Variants in MCTP1 observed in about 807,000 individuals in gnomAD.
The protein encoded by MCTP1 is multiple C2 and transmembrane domain-containing protein 1.
MCTP1 carries 69 observed loss-of-function variants against 120.6 expected under a neutral mutation model. The ratio of observed to expected loss-of-function variants is 0.57; its 90% CI spans 0.47 to 0.70. MCTP1 has a LOEUF of 0.70. Ranked by LOEUF, MCTP1 falls within the 30% of genes least tolerant of loss-of-function variation. The pLI, the probability that MCTP1 is intolerant of heterozygous loss-of-function variation, is 0.00. For synonymous variants in MCTP1, 529 were observed against 493.1 expected (o/e 1.07, Z -0.96); for missense variants, 1,203 against 1,248.8 (o/e 0.96, Z 0.55).
At chr5:95,189,143 G>A (rs1184705022) in intron 1 of MCTP1, among the ~76,000 whole-genome samples, 1 of 152,046 alleles carries the variant, frequency 6.6e-6, no homozygotes, top group East Asian at 1.9e-4. Context: ...AAATAGAAAT[G>A]AACAAATTGT....
rs191435684 is a variant in MCTP1, at chr5:95,216,542, T to G, written c.720+67314A>C. On this transcript the variant is annotated intron_variant, in intron 1 of 22. Coordinates refer to ENST00000515393, the MANE Select transcript of MCTP1 (RefSeq NM_024717.7). ...CAAGCCTGAAAGGTACCTGCTGGGA[T>G]GGCTCTACACAAATTGTATGAGTTT... Among the ~76,000 whole-genome samples, 667 of 152,266 alleles carry G rather than the reference T, an allele frequency of 4.4e-3. 1 individual carries two copies. The highest frequency in any genetic ancestry group is 5.2e-3 in the Non-Finnish European group (356 of 68,014).
intron 18 of MCTP1, among the ~76,000 whole-genome samples, chr5:94,798,117 A>G (rs1780462330): frequency 6.7e-6 from 1 of 150,078 alleles, no homozygotes; most frequent in Non-Finnish European, 1.5e-5. Flanking sequence ...AAAAAAAAAC[A>G]TAGTAATCTG....
At chr5:94,894,276 C>T in intron 11 of MCTP1, among the ~76,000 whole-genome samples, 1 of 152,156 alleles carries the variant, frequency 6.6e-6, no homozygotes. Flanking sequence ...TTAACTCCAT[C>T]GCAAACTTGG....
intron 1 of MCTP1, among the ~76,000 whole-genome samples, chr5:95,212,409 T>C (rs1291326502): frequency 6.6e-6 from 1 of 151,910 alleles, no homozygotes; most frequent in African/African-American, 2.4e-5. Flanking sequence ...ACCAGATGGA[T>C]TCACAGCCGA....
chr5:94,759,689 CT>C (rs1770815549), intron 19 of MCTP1, among the ~76,000 whole-genome samples: 1 of 152,026 alleles, frequency 6.6e-6, no homozygotes, highest in Admixed American at 6.6e-5. Flanking sequence ...CAGATGAATG[CT>C]TTTTAGGCAG....
intron 1 of MCTP1, among the ~76,000 whole-genome samples, chr5:95,023,029 G>A (rs1046676332): frequency 1.3e-5 from 2 of 152,086 alleles, no homozygotes; most frequent in Non-Finnish European, 2.9e-5. Flanking sequence ...ACATGAGCCC[G>A]ATGGTAAGCA....
At chr5:95,009,062 G>A (rs1581815086) in intron 2 of MCTP1, among the ~76,000 whole-genome samples, 1 of 9,900 alleles carries the variant, frequency 1.0e-4, no homozygotes, top group East Asian at 5.7e-3. Context: ...GAGAAAGAGA[G>A]AGAGAGAGAG....
intron 1 of MCTP1, among the ~76,000 whole-genome samples, chr5:95,083,546 C>T (rs1755188405): frequency 6.6e-6 from 1 of 152,120 alleles, no homozygotes; most frequent in Admixed American, 6.5e-5. Flanking sequence ...TCCACTTTTG[C>T]TAACATTGAG....
chr5:95,039,978 A>C (rs1440975696), intron 1 of MCTP1, among the ~76,000 whole-genome samples: 1 of 152,134 alleles, frequency 6.6e-6, no homozygotes, highest in Non-Finnish European at 1.5e-5. Flanking sequence ...AATTTTTTAA[A>C]ACTTCCTCAT....
chr5:95,038,935 G>C (rs573991633), intron 1 of MCTP1, among the ~76,000 whole-genome samples: 1 of 152,026 alleles, frequency 6.6e-6, no homozygotes, highest in Non-Finnish European at 1.5e-5. Context: ...CTGTAGTAAA[G>C]GAGGCTGATC....
chr5:94,743,701 G>A (rs529368976), intron 19 of MCTP1, among the ~76,000 whole-genome samples: 10 of 139,112 alleles, frequency 7.2e-5, no homozygotes, highest in East Asian at 6.3e-4. Context: ...GCAGTGGCGC[G>A]ATCTCGGCTC....
intron 1 of MCTP1, among the ~76,000 whole-genome samples, chr5:95,083,905 C>T (rs1325869715): frequency 2.0e-5 from 3 of 152,134 alleles, no homozygotes; most frequent in African/African-American, 7.2e-5. Context: ...GGAATACTAC[C>T]TAGTTATTTT....
At chr5:94,952,315 A>T (rs1820842845) in intron 3 of MCTP1, among the ~76,000 whole-genome samples, 1 of 152,098 alleles carries the variant, frequency 6.6e-6, no homozygotes, top group Non-Finnish European at 1.5e-5. Flanking sequence ...TACTTATGAG[A>T]TTCTCTTTTC....
intron 1 of MCTP1, among the ~76,000 whole-genome samples, chr5:95,144,732 T>A (rs1257180116): frequency 6.6e-6 from 1 of 152,212 alleles, no homozygotes; most frequent in Non-Finnish European, 1.5e-5. Flanking sequence ...GTGACTTTAT[T>A]TCTGAGTTCT....
At chr5:94,815,144 T>C (rs989718391) in intron 17 of MCTP1, among the ~76,000 whole-genome samples, 1 of 152,120 alleles carries the variant, frequency 6.6e-6, no homozygotes, top group Non-Finnish European at 1.5e-5. Context: ...ATCAAGAAAA[T>C]AGAAACGAAA....
chr5:95,136,503 T>C (rs754753374), intron 1 of MCTP1, among the ~76,000 whole-genome samples: 1 of 151,504 alleles, frequency 6.6e-6, no homozygotes, highest in Admixed American at 6.6e-5. Flanking sequence ...GAGACAGAGA[T>C]GAAGTGGCGA....
intron 17 of MCTP1, among the ~76,000 whole-genome samples, chr5:94,866,845 GA>G: frequency 1.1e-5 from 1 of 92,040 alleles, no homozygotes; most frequent in South Asian, 3.0e-4. Context: ...AGTTTATGAA[GA>G]CTTACACAAT....
intron 1 of MCTP1, among the ~76,000 whole-genome samples, chr5:95,030,278 T>C (rs1581926732): frequency 6.6e-6 from 1 of 152,138 alleles, no homozygotes; most frequent in African/African-American, 2.4e-5. Context: ...CACAATCTCT[T>C]CCTGCCAATA....
intron 12 of MCTP1, among the ~76,000 whole-genome samples, chr5:94,874,404 C>A (rs115173032): frequency 2.8e-4 from 42 of 152,138 alleles, no homozygotes; most frequent in African/African-American, 7.5e-4. Flanking sequence ...TATTGCAATT[C>A]TTAAAATGAG....
Sources: gnomAD v4.1 joint callset for allele counts (sites outside exome capture counted in the v4.1 genomes callset) on GRCh38, gnomAD v4.1.1 for gene constraint, MANE v1.5 for transcripts, NCBI Gene and HGNC (gene_info 2026-07-23, HGNC 2026-07-21) for gene names.